SERINC5: variants seen among roughly 807,000 people sequenced by gnomAD.
SERINC5 encodes the protein serine incorporator 5, also known as chromosome 5 open reading frame 12.
In SERINC5, 41 loss-of-function variants were observed where a neutral mutation model predicts 63.1. That is an observed-to-expected ratio of 0.65 (90% CI 0.51 to 0.84). The LOEUF is 0.84. SERINC5 is among the 40% of genes least tolerant of loss of function. The probability of loss-of-function intolerance (pLI) is 0.00; values close to 1 mark genes in which losing one functional copy is unlikely to be tolerated. For missense variants in SERINC5, 523 were observed against 573.0 expected (o/e 0.91, Z 0.89); for synonymous variants, 222 against 215.2 (o/e 1.03, Z -0.28).
intron 2 of SERINC5, among the ~76,000 whole-genome samples, chr5:80,201,139 A>T (rs189529631): frequency 6.6e-6 from 1 of 152,096 alleles, no homozygotes; most frequent in Non-Finnish European, 1.5e-5. Flanking sequence ...TAAAAAAAAT[A>T]AAATAGCCCT....
At chr5:80,182,559 GC>G (rs1748521615) in intron 2 of SERINC5, among the ~76,000 whole-genome samples, 1 of 71,302 alleles carries the variant, frequency 1.4e-5, no homozygotes, top group African/African-American at 5.9e-5. Context: ...CCCCCCCTCC[GC>G]TTTTTTTTAA....
intron 1 of SERINC5, among the ~76,000 whole-genome samples, chr5:80,249,339 T>C (rs1255352515): frequency 2.0e-5 from 3 of 148,694 alleles, no homozygotes. Flanking sequence ...AACCATCAAG[T>C]TTGAAGGTAG....
At chr5:80,192,191 T>C (rs556284334) in intron 2 of SERINC5, among the ~76,000 whole-genome samples, 2 of 152,306 alleles carry the variant, frequency 1.3e-5, no homozygotes, top group Admixed American at 6.5e-5. Flanking sequence ...CTAGGAAGAA[T>C]AGATGAGGAG....
chr5:80,183,619 C>T (rs1424786764), intron 2 of SERINC5, among the ~76,000 whole-genome samples: 1 of 152,132 alleles, frequency 6.6e-6, no homozygotes, highest in Non-Finnish European at 1.5e-5. Flanking sequence ...TGATTTGTTC[C>T]TGCCCCACCT....
chr5:80,116,699 A>C (rs776228328), intron 11 of SERINC5, among the ~76,000 whole-genome samples: 6 of 152,020 alleles, frequency 3.9e-5, no homozygotes, highest in Non-Finnish European at 7.3e-5. Flanking sequence ...GTTCATTAAC[A>C]AACATCCACA....
chr5:80,160,130 T>TG (rs906035764), intron 7 of SERINC5, among the ~76,000 whole-genome samples: 1 of 152,136 alleles, frequency 6.6e-6, no homozygotes, highest in Non-Finnish European at 1.5e-5. Flanking sequence ...CTTCGACCTG[T>TG]GGGATCTGAC....
Position 80,140,562 on chromosome 5 carries a change from C to A in SERINC5, c.*3101G>T. The A allele has an allele frequency of 3.0e-6, 3 of 985,002 alleles. No homozygotes were observed. Among genetic ancestry groups the A allele is most frequent in the South Asian group, 4.7e-5 (1 of 21,272 alleles). The allele number at this position is 985,002 out of a possible 1,614,324, so 61.0% of individuals were successfully genotyped here. On this transcript the variant is annotated 3_prime_UTR_variant, in exon 12 of 12. Transcript: ENST00000507668. ...TTCTTTTTCAGACAAAATGAAGAAC[C>A]TTTTTGCCCAAGAAACTGTGGGCAA...
intron 1 of SERINC5, among the ~76,000 whole-genome samples, chr5:80,241,942 A>T (rs1259042247): frequency 6.6e-6 from 1 of 150,974 alleles, no homozygotes; most frequent in Admixed American, 6.6e-5. Context: ...TGGGCAACAT[A>T]GTAAGACCGT....
At chr5:80,239,615 G>A (rs2279772) in intron 1 of SERINC5, among the ~76,000 whole-genome samples, 24,076 of 151,878 alleles carry the variant, frequency 0.16, 2,251 homozygotes, top group East Asian at 0.26. Flanking sequence ...TCAGAAACAG[G>A]AATATCAACC....
chr5:80,217,047 G>A (rs1476763164), intron 1 of SERINC5, among the ~76,000 whole-genome samples: 1 of 151,340 alleles, frequency 6.6e-6, no homozygotes, highest in Admixed American at 6.6e-5. Context: ...GTAAAAACTC[G>A]TTTCATTTAT....
chr5:80,143,620 T>C lies in SERINC5; in HGVS notation c.*43A>G, dbSNP rs1187667943. ...GGACACTGTTCAAAAGATGGCACTTTCCAGGCTGTAGGCCCACAAAGCCCA... is the reference window on the plus strand; with the variant it reads ...GGACACTGTTCAAAAGATGGCACTTCCCAGGCTGTAGGCCCACAAAGCCCA... On this transcript the variant is annotated 3_prime_UTR_variant, in exon 12 of 12. Coordinates refer to ENST00000507668, the MANE Select transcript of SERINC5 (RefSeq NM_001174072.3). 1 of 1,526,418 alleles carries C rather than the reference T, an allele frequency of 6.6e-7. No individual in the cohort carries two copies. The highest frequency in any genetic ancestry group is 8.8e-7 in the Non-Finnish European group (1 of 1,139,664). The allele number at this position is 1,526,418 out of a possible 1,614,324, so 94.6% of individuals were successfully genotyped here. A position where few individuals can be genotyped will look rare whatever the true frequency, so the allele number is the denominator to read the frequency against.
chr5:80,153,822 A>AT (rs1015674296), intron 8 of SERINC5, among the ~76,000 whole-genome samples: 1 of 151,916 alleles, frequency 6.6e-6, no homozygotes, highest in African/African-American at 2.4e-5. Flanking sequence ...AAAAAAAAAA[A>AT]GAAAAGCCGT....
At position 80,150,871 on chromosome 5, in the gene SERINC5, A is replaced by C. The variant is rs1026659880; in HGVS notation, c.1053+11T>G. 1 of 1,599,664 alleles carries C rather than the reference A, an allele frequency of 6.3e-7. No homozygotes were observed. The highest frequency in any genetic ancestry group is 8.6e-7 in the Non-Finnish European group (1 of 1,166,902). The stretch of plus-strand genomic sequence containing the variant: ...GAGATGAAGCAGGACAGGAAAAGGA[A>C]ATGAACTTACCTCCAATTCAGGAGC... On this transcript the variant is annotated intron_variant, in intron 9 of 11. Transcript: ENST00000507668.
intron 8 of SERINC5, 137 bp from the exon 9 acceptor site, chr5:80,151,085 T>A (rs567117525): frequency 4.4e-6 from 3 of 682,718 alleles, no homozygotes; most frequent in East Asian, 5.2e-5. Context: ...ATCAAAGCAA[T>A]CTATTTTAAT....
At chr5:80,214,191 T>C (rs1214505390) in intron 1 of SERINC5, among the ~76,000 whole-genome samples, 1 of 152,174 alleles carries the variant, frequency 6.6e-6, no homozygotes, top group African/African-American at 2.4e-5. Flanking sequence ...TTAATATTAA[T>C]AGTGTAGAGT....
At chr5:80,205,015 G>A (rs190383785) in intron 1 of SERINC5, among the ~76,000 whole-genome samples, 3 of 152,314 alleles carry the variant, frequency 2.0e-5, no homozygotes, top group East Asian at 1.9e-4. Flanking sequence ...TGCACAGGGA[G>A]TGGGGAGGTG....
At chr5:80,171,118 C>A (rs1443671160) in intron 5 of SERINC5, among the ~76,000 whole-genome samples, 2 of 152,004 alleles carry the variant, frequency 1.3e-5, no homozygotes, top group Non-Finnish European at 2.9e-5. Flanking sequence ...TCAAGTAATT[C>A]TCTGCCTCAG....
intron 12 of SERINC5, among the ~76,000 whole-genome samples, chr5:80,112,084 T>C (rs1455039633): frequency 6.6e-6 from 1 of 152,122 alleles, no homozygotes; most frequent in Admixed American, 6.5e-5. Context: ...GCCTGAGATA[T>C]GTCCTCATGG....
chr5:80,255,771 C>A lies in SERINC5; in HGVS notation c.27+125G>T. On this transcript the variant is annotated intron_variant, in intron 1 of 11. Coordinates refer to ENST00000507668, the MANE Select transcript of SERINC5 (RefSeq NM_001174072.3). ...CTGAGCGCCGCGGGGCCAGCCCGAG[C>A]GACCCACCCGGGCCCTACGTTCGGC... is the stretch of plus-strand genomic sequence containing the variant. 9.1e-6 allele frequency: 9 copies of A among 987,534 alleles called. No homozygotes were observed. The South Asian group carries it at 1.2e-4, about 13-fold the overall frequency. The allele number at this position is 987,534 out of a possible 1,614,324, so 61.2% of individuals were successfully genotyped here. A position where few individuals can be genotyped will look rare whatever the true frequency, so the allele number is the denominator to read the frequency against.
Sources: allele counts gnomAD v4.1 joint callset (sites outside exome capture counted in the v4.1 genomes callset), GRCh38; gene constraint gnomAD v4.1.1; transcripts MANE v1.5; gene names NCBI Gene and HGNC (gene_info 2026-07-23, HGNC 2026-07-21).